The following PRKG1 variants were observed in gnomAD, a reference collection of about 807,000 sequenced individuals.
PRKG1 encodes the protein protein kinase cGMP-dependent 1.
Under a neutral mutation model 88.1 loss-of-function variants are expected in PRKG1, and 35 were observed. The ratio of observed to expected loss-of-function variants is 0.40; its 90% CI spans 0.30 to 0.53. The LOEUF (loss-of-function observed/expected upper bound fraction) is 0.53. PRKG1 is among the 20% of genes least tolerant of loss of function. The pLI, the probability that PRKG1 is intolerant of heterozygous loss-of-function variation, is 0.59. For missense variants in PRKG1, 540 were observed against 839.8 expected, an observed-to-expected ratio of 0.64 and a Z score of 4.41; for synonymous variants, 303 against 292.5, an observed-to-expected ratio of 1.04 and a Z score of -0.37.
At chr10:51,954,761 A>G (rs1278658260) in intron 5 of PRKG1, among the ~76,000 whole-genome samples, 1 of 152,176 alleles carries the variant, frequency 6.6e-6, no homozygotes, top group African/African-American at 2.4e-5. Flanking sequence ...TTGTAACCAT[A>G]GTATTCACTC....
At chr10:52,177,433 T>C (rs1838895842) in intron 9 of PRKG1, among the ~76,000 whole-genome samples, 1 of 152,174 alleles carries the variant, frequency 6.6e-6, no homozygotes, top group Non-Finnish European at 1.5e-5. Context: ...TTTATGTCTA[T>C]GTTCATCAGG....
chr10:51,422,975 T>TTC (rs1838460077), intron 2 of PRKG1, among the ~76,000 whole-genome samples: 1 of 151,662 alleles, frequency 6.6e-6, no homozygotes, highest in Admixed American at 6.6e-5. Flanking sequence ...TTTTTTTTTT[T>TTC]CTGAAAATGG....
chr10:51,033,417 C>T (rs2339680), intron 1 of PRKG1, among the ~76,000 whole-genome samples: 49,387 of 152,012 alleles, frequency 0.32, 8,148 homozygotes, highest in East Asian at 0.45. Flanking sequence ...GCTAGTAAGT[C>T]GTAAGTGATG....
chr10:51,501,754 T>C (rs182320558), intron 3 of PRKG1, among the ~76,000 whole-genome samples: 2 of 151,946 alleles, frequency 1.3e-5, no homozygotes, highest in Non-Finnish European at 2.9e-5. Context: ...AACAGAGTAC[T>C]CTTTATGTGC....
At chr10:51,167,682 T>G (rs1353900289) in intron 2 of PRKG1, among the ~76,000 whole-genome samples, 1 of 152,134 alleles carries the variant, frequency 6.6e-6, no homozygotes, top group Non-Finnish European at 1.5e-5. Flanking sequence ...GTGGTATAAT[T>G]TGGCAGTGCA....
In PRKG1 at chr10:51,278,975, G is replaced by T. The variant is rs930359186; in HGVS notation, c.478+125645G>T. 2.6e-5 allele frequency among the ~76,000 whole-genome samples: 4 copies of T among 152,118 alleles called. No homozygotes were observed. The South Asian group carries it at 6.2e-4, about 24-fold the overall frequency. Reference sequence around the variant, plus strand: ...TTCCTTCATTTCTGCTCTGATCTTAGTTATTTCTTGCCTTCTGCTAGCTTT... The same window carrying T: ...TTCCTTCATTTCTGCTCTGATCTTATTTATTTCTTGCCTTCTGCTAGCTTT... On this transcript the variant is annotated intron_variant, in intron 2 of 17. Transcript: ENST00000373980.
chr10:51,056,071 A>G (rs1166237155), intron 1 of PRKG1, among the ~76,000 whole-genome samples: 1 of 152,192 alleles, frequency 6.6e-6, no homozygotes, highest in Non-Finnish European at 1.5e-5. Context: ...AGGGGAACAA[A>G]AGGAAATATC....
chr10:51,150,770 A>T (rs1846051197), intron 1 of PRKG1, among the ~76,000 whole-genome samples: 1 of 152,084 alleles, frequency 6.6e-6, no homozygotes, highest in South Asian at 2.1e-4. Context: ...CGTCCTTCCC[A>T]TCCCACACTC....
chr10:52,232,122 G>A (rs1423238462), intron 9 of PRKG1, among the ~76,000 whole-genome samples: 1 of 152,016 alleles, frequency 6.6e-6, no homozygotes, highest in Non-Finnish European at 1.5e-5. Flanking sequence ...GGCCAATATG[G>A]TGAAACCCCA....
At position 51,414,111 on chromosome 10, in the gene PRKG1, G is replaced by A. The variant is rs1300321663; in HGVS notation, c.479-53612G>A. On this transcript the variant is annotated intron_variant, in intron 2 of 17. Coordinates refer to ENST00000373980, the MANE Select transcript of PRKG1 (RefSeq NM_006258.4). ...TACCCATTTTTTAGAGCTTTGTGAA[G>A]ACTGCAGCTAATGTGTGTGCAGTGC... Among the ~76,000 whole-genome samples the A allele has an allele frequency of 2.0e-5, 3 of 152,184 alleles. No individual in the cohort carries two copies. In the East Asian group the frequency reaches 5.8e-4, roughly 29 times the overall value.
intron 3 of PRKG1, among the ~76,000 whole-genome samples, chr10:51,767,547 G>C (rs776288529): frequency 6.6e-6 from 1 of 152,106 alleles, no homozygotes; most frequent in Non-Finnish European, 1.5e-5. Context: ...CTCTGAATCA[G>C]AAGACTTGGG....
chr10:51,826,486 T>C (rs1463801780), intron 4 of PRKG1, among the ~76,000 whole-genome samples: 1 of 152,180 alleles, frequency 6.6e-6, no homozygotes, highest in Non-Finnish European at 1.5e-5. Context: ...TAATAAAAAC[T>C]CTCAATTTGA....
At chr10:51,542,522 T>C (rs1295818557) in intron 3 of PRKG1, among the ~76,000 whole-genome samples, 1 of 152,180 alleles carries the variant, frequency 6.6e-6, no homozygotes, top group African/African-American at 2.4e-5. Flanking sequence ...TTCTTCTATG[T>C]TCTTTGATTT....
chr10:51,557,260 G>A (rs889947970), intron 3 of PRKG1, among the ~76,000 whole-genome samples: 6 of 151,894 alleles, frequency 4.0e-5, no homozygotes, highest in African/African-American at 1.5e-4. Context: ...AGCTCATAAG[G>A]AGCCATGGGG....
At chr10:51,593,018 G>T (rs10823253) in intron 3 of PRKG1, among the ~76,000 whole-genome samples, 1 of 151,984 alleles carries the variant, frequency 6.6e-6, no homozygotes, top group Non-Finnish European at 1.5e-5. Flanking sequence ...TTAAAAGACA[G>T]GTTTTGATAT....
chr10:51,521,179 C>G (rs1403163593), intron 3 of PRKG1, among the ~76,000 whole-genome samples: 1 of 152,020 alleles, frequency 6.6e-6, no homozygotes, highest in Non-Finnish European at 1.5e-5. Context: ...CCCAGCTACT[C>G]AAGGAGGCCG....
intron 5 of PRKG1, among the ~76,000 whole-genome samples, chr10:52,036,989 A>T (rs1370350774): frequency 1.3e-5 from 2 of 152,274 alleles, no homozygotes; most frequent in African/African-American, 4.8e-5. Context: ...GGCGTCTGTG[A>T]TGGTCTAGGG....
At chr10:52,079,230 C>T (rs762476834) in intron 7 of PRKG1, among the ~76,000 whole-genome samples, 1 of 152,086 alleles carries the variant, frequency 6.6e-6, no homozygotes, top group Non-Finnish European at 1.5e-5. Flanking sequence ...CTTTTAACAC[C>T]TTTTCCACTG....
intron 2 of PRKG1, among the ~76,000 whole-genome samples, chr10:51,290,062 A>G (rs1419324219): frequency 6.6e-6 from 1 of 152,134 alleles, no homozygotes; most frequent in Non-Finnish European, 1.5e-5. Flanking sequence ...GTGAATTGAG[A>G]TAAATATACA....
Sources: allele counts gnomAD v4.1 joint callset (sites outside exome capture counted in the v4.1 genomes callset), GRCh38; gene constraint gnomAD v4.1.1; transcripts MANE v1.5; gene names NCBI Gene and HGNC (gene_info 2026-07-23, HGNC 2026-07-21).